The following ZFP1 variants were observed in gnomAD, a reference collection of about 807,000 sequenced individuals.
ZFP1 encodes the protein zinc finger protein 1 homolog.
In ZFP1, 32 loss-of-function variants were observed where a neutral mutation model predicts 38.5. The observed-to-expected ratio is 0.83, with a 90% confidence interval of 0.63 to 1.12. The LOEUF (loss-of-function observed/expected upper bound fraction) is 1.12, where lower values mean the gene tolerates loss of function less well. Ranked by LOEUF, ZFP1 falls within the 50% of genes most tolerant of loss-of-function variation. The pLI, the probability that ZFP1 is intolerant of heterozygous loss-of-function variation, is 0.00. For synonymous variants in ZFP1, 245 were observed against 168.8 expected (o/e 1.45, Z -3.50); for missense variants, 616 against 480.8 (o/e 1.28, Z -2.63).
At chr16:75,161,348 C>T (rs879810788) in intron 2 of ZFP1, among the ~76,000 whole-genome samples, 4 of 151,934 alleles carry the variant, frequency 2.6e-5, no homozygotes, top group Non-Finnish European at 4.4e-5. Context: ...GGATTACAGG[C>T]GTGAGCCACT....
At chr16:75,144,947 G>T (rs566293058), upstream of ZFP1, among the ~76,000 whole-genome samples, 3 of 152,020 alleles carry the variant, frequency 2.0e-5, no homozygotes, top group Non-Finnish European at 4.4e-5. Flanking sequence ...TTCCTGCCTC[G>T]GCCTCCTGAG....
upstream of ZFP1, among the ~76,000 whole-genome samples, chr16:75,144,411 C>T (rs77599488): frequency 3.9e-5 from 6 of 152,302 alleles, no homozygotes; most frequent in African/African-American, 1.2e-4. Context: ...ATTCTCCTTA[C>T]ATATCACCAC....
chr16:75,134,380 G>A, the ZFP1 span, among the ~76,000 whole-genome samples: 1 of 152,082 alleles, frequency 6.6e-6, no homozygotes, highest in South Asian at 2.1e-4. Flanking sequence ...GGTCATTAAA[G>A]ATAATGAACT....
the ZFP1 span, among the ~76,000 whole-genome samples, chr16:75,142,827 A>T: frequency 2.0e-4 from 30 of 151,902 alleles, no homozygotes; most frequent in Middle Eastern, 6.8e-3. Context: ...TCAGCCTCCC[A>T]AGTATCTGGG....
the ZFP1 span, among the ~76,000 whole-genome samples, chr16:75,119,088 C>A: frequency 6.6e-6 from 1 of 152,180 alleles, no homozygotes; most frequent in South Asian, 2.1e-4. Flanking sequence ...GTGCTCTGAC[C>A]ACCTTGGGGA....
At position 75,170,526 on chromosome 16, in the gene ZFP1, C is replaced by T; in HGVS notation, c.*192C>T. On this transcript the variant is annotated 3_prime_UTR_variant, in exon 4 of 4. Transcript: ENST00000570010. ...ACATGTGATACCCAGCTAAAGAATA[C>T]ATATCAGAATATATCCAGTTGTAAA... 1 of 808,742 alleles carries T rather than the reference C, an allele frequency of 1.2e-6. No individual in the cohort carries two copies. Among genetic ancestry groups the T allele is most frequent in the Non-Finnish European group, 1.8e-6 (1 of 570,088 alleles). 50.1% of individuals were successfully genotyped at this position (808,742 alleles called of 1,614,324 possible).
chr16:75,138,777 C>G, the ZFP1 span, among the ~76,000 whole-genome samples: 5 of 152,210 alleles, frequency 3.3e-5, no homozygotes, highest in African/African-American at 7.2e-5. Flanking sequence ...CAGGCTGCCC[C>G]CTGCGGCTTT....
At chr16:75,158,201 G>A (rs990624466) in intron 2 of ZFP1, among the ~76,000 whole-genome samples, 6 of 151,962 alleles carry the variant, frequency 3.9e-5, no homozygotes, top group Admixed American at 2.0e-4. Context: ...TAGTTTGGTC[G>A]TGGTTTTGAT....
intron 2 of ZFP1, 21 bp from the exon 3 acceptor site, chr16:75,166,749 A>G (rs140293944): frequency 6.2e-7 from 1 of 1,614,158 alleles, no homozygotes; most frequent in East Asian, 2.2e-5. Flanking sequence ...TCTTAGGATG[A>G]ATAACAATAT....
chr16:75,160,534 C>A (rs2037713526), intron 2 of ZFP1, among the ~76,000 whole-genome samples: 1 of 151,810 alleles, frequency 6.6e-6, no homozygotes, highest in Admixed American at 6.6e-5. Context: ...TGGCACTTGT[C>A]TGTAACCCCA....
the ZFP1 span, among the ~76,000 whole-genome samples, chr16:75,131,062 T>A: frequency 1.3e-5 from 2 of 152,166 alleles, no homozygotes; most frequent in Admixed American, 6.6e-5. Context: ...CCAGCTTTCC[T>A]TTCTGTCCCT....
intron 2 of ZFP1, among the ~76,000 whole-genome samples, chr16:75,154,079 C>T (rs1353775630): frequency 6.6e-6 from 1 of 152,166 alleles, no homozygotes; most frequent in Admixed American, 6.5e-5. Flanking sequence ...AAAAAATTAG[C>T]CAGGCGTGGT....
At chr16:75,148,722 C>T (rs2037009556) in intron 1 of ZFP1, 79 bp downstream of exon 1, 1 of 152,288 alleles carries the variant, frequency 6.6e-6, no homozygotes, top group African/African-American at 2.4e-5. Context: ...CGTGCCCGCG[C>T]AGGGTGGGAG....
intron 1 of ZFP1, chr16:75,149,126 G>A (rs745805623): frequency 6.6e-6 from 1 of 152,178 alleles, no homozygotes; most frequent in Non-Finnish European, 1.5e-5. Flanking sequence ...TTGTCAGAGG[G>A]TCTTCAGTGA....
the ZFP1 span, among the ~76,000 whole-genome samples, chr16:75,132,831 T>G: frequency 6.6e-6 from 1 of 151,540 alleles, no homozygotes; most frequent in Non-Finnish European, 1.5e-5. Context: ...TAGTATTTTT[T>G]TTTTTTTTAG....
intron 1 of ZFP1, among the ~76,000 whole-genome samples, chr16:75,150,055 G>A (rs1356985408): frequency 6.6e-6 from 1 of 152,124 alleles, no homozygotes; most frequent in African/African-American, 2.4e-5. Context: ...AAAGTGCTGG[G>A]ATTACAGGCA....
chr16:75,139,815 C>A, the ZFP1 span, among the ~76,000 whole-genome samples: 1 of 152,160 alleles, frequency 6.6e-6, no homozygotes, highest in Non-Finnish European at 1.5e-5. Context: ...GTTAGTGTTT[C>A]ATGGGTAGAG....
intron 3 of ZFP1, among the ~76,000 whole-genome samples, chr16:75,168,009 T>C (rs534314215): frequency 2.0e-4 from 30 of 152,080 alleles, no homozygotes; most frequent in African/African-American, 7.2e-4. Flanking sequence ...TGCAGTGAGC[T>C]GAGATCACAC....
At chr16:75,159,954 G>A (rs1332978877) in intron 2 of ZFP1, among the ~76,000 whole-genome samples, 2 of 152,068 alleles carry the variant, frequency 1.3e-5, no homozygotes, top group Non-Finnish European at 2.9e-5. Flanking sequence ...TCAACTGTTT[G>A]CCAGTATCTC....
Sources: allele counts gnomAD v4.1 joint callset (sites outside exome capture counted in the v4.1 genomes callset), GRCh38; gene constraint gnomAD v4.1.1; transcripts MANE v1.5; gene names NCBI Gene and HGNC (gene_info 2026-07-23, HGNC 2026-07-21).